COPS4: variants seen among roughly 807,000 people sequenced by gnomAD.
COPS4 encodes COP9 signalosome subunit 4.
In COPS4, 8 loss-of-function variants were observed where a neutral mutation model predicts 55.1. The ratio of observed to expected loss-of-function variants is 0.15; its 90% confidence interval spans 0.09 to 0.26. The LOEUF is 0.26. COPS4 is among the 10% of genes least tolerant of loss of function. COPS4 has a pLI of 1.00. For missense variants in COPS4, 248 were observed against 484.0 expected (o/e 0.51, Z 4.58); for synonymous variants, 185 against 165.7 (o/e 1.12, Z -0.90).
intron 4 of COPS4, among the ~76,000 whole-genome samples, chr4:83,050,945 A>G (rs897328578): frequency 4.6e-5 from 7 of 152,050 alleles, no homozygotes; most frequent in East Asian, 3.9e-4. Context: ...AAGCAGTGAT[A>G]GAAGTAGGGA....
At chr4:83,071,796 C>G (rs1352568523) in intron 9 of COPS4, among the ~76,000 whole-genome samples, 1 of 151,966 alleles carries the variant, frequency 6.6e-6, no homozygotes, top group East Asian at 1.9e-4. Flanking sequence ...ACTGCAACCT[C>G]CACCTCTTGG....
chr4:83,047,817 G>A (rs904132281), intron 2 of COPS4, among the ~76,000 whole-genome samples: 1 of 151,990 alleles, frequency 6.6e-6, no homozygotes, highest in African/African-American at 2.4e-5. Flanking sequence ...TGGCTAACAC[G>A]GTGAAACCCT....
At chr4:83,042,205 T>G (rs926613943) in intron 1 of COPS4, among the ~76,000 whole-genome samples, 1 of 152,174 alleles carries the variant, frequency 6.6e-6, no homozygotes, top group Non-Finnish European at 1.5e-5. Flanking sequence ...TTTTTATTTT[T>G]AATCTTCCCC....
chr4:83,050,142 G>A (rs1005767710), intron 4 of COPS4, among the ~76,000 whole-genome samples, 158 bp downstream of exon 4: 1 of 152,132 alleles, frequency 6.6e-6, no homozygotes, highest in African/African-American at 2.4e-5. Flanking sequence ...GAAAAGTAAT[G>A]GGGCAAAGCG....
chr4:83,043,343 C>T (rs763873584), intron 1 of COPS4, among the ~76,000 whole-genome samples: 1 of 150,984 alleles, frequency 6.6e-6, no homozygotes, highest in African/African-American at 2.4e-5. Flanking sequence ...GTAGTGAGAC[C>T]CCATCTCTAC....
rs775242498 is a variant in COPS4, at chr4:83,048,523, G to A, written c.155-643G>A. Among the ~76,000 whole-genome samples the A allele has an allele frequency of 9.8e-4, 149 of 152,082 alleles. 1 individual carries two copies. The highest frequency in any genetic ancestry group is 1.9e-3 in the Admixed American group (29 of 15,280). Reference sequence around the variant, plus strand: ...TAAATAAAAATATAGGTGTTTTTGTGCCTTCACTTTGTAGAAAAATGAGAT... The same window carrying A: ...TAAATAAAAATATAGGTGTTTTTGTACCTTCACTTTGTAGAAAAATGAGAT... On this transcript the variant is annotated intron_variant, in intron 2 of 9. Coordinates refer to ENST00000264389, the MANE Select transcript of COPS4 (RefSeq NM_016129.3).
chr4:83,037,944 CAGTT>C (rs943142979), intron 1 of COPS4, among the ~76,000 whole-genome samples: 2 of 152,204 alleles, frequency 1.3e-5, no homozygotes, highest in African/African-American at 2.4e-5. Flanking sequence ...GTTAAAAACT[CAGTT>C]AGAAATGCTT....
At position 83,075,563 on chromosome 4, in the gene COPS4, C is replaced by A. The variant is rs1297020572; in HGVS notation, c.*133C>A. 1.0e-6 allele frequency: 1 copy of A among 964,106 alleles called. No homozygotes were observed. Among genetic ancestry groups the A allele is most frequent in the Non-Finnish European group, 1.5e-6 (1 of 670,020 alleles). The allele number at this position is 964,106 out of a possible 1,614,324, so 59.7% of individuals were successfully genotyped here. A position where few individuals can be genotyped will look rare whatever the true frequency, so the allele number is the denominator to read the frequency against. ...TATGCTGGATTCCGTTTAAAGAAGA[C>A]ATTATTAGAGCAGGAAGTACAAGCA... is the stretch of plus-strand genomic sequence containing the variant. On this transcript the variant is annotated 3_prime_UTR_variant, in exon 10 of 10. Transcript: ENST00000264389.
At chr4:83,052,779 G>A (rs1379114435) in intron 4 of COPS4, among the ~76,000 whole-genome samples, 2 of 152,106 alleles carry the variant, frequency 1.3e-5, no homozygotes, top group Non-Finnish European at 2.9e-5. Context: ...TAGAAACGGG[G>A]TTTCACCATG....
chr4:83,042,160 T>C (rs913957374), intron 1 of COPS4, among the ~76,000 whole-genome samples: 4 of 152,074 alleles, frequency 2.6e-5, no homozygotes, highest in African/African-American at 9.7e-5. Flanking sequence ...CCACCGCACC[T>C]GACCATATTG....
chr4:83,062,219 A>C (rs1255025268), intron 6 of COPS4, among the ~76,000 whole-genome samples: 2 of 152,200 alleles, frequency 1.3e-5, no homozygotes, highest in Non-Finnish European at 2.9e-5. Flanking sequence ...ATCTTTTATA[A>C]ATTTTTATTA....
At chr4:83,046,100 TTACTG>T (rs1281059681) in intron 2 of COPS4, among the ~76,000 whole-genome samples, 6 of 151,988 alleles carry the variant, frequency 3.9e-5, no homozygotes, top group Non-Finnish European at 5.9e-5. Flanking sequence ...CTATAGTACA[TTACTG>T]TACTACAGGG....
intron 8 of COPS4, among the ~76,000 whole-genome samples, 155 bp from the exon 9 acceptor site, chr4:83,068,283 A>G (rs961300505): frequency 2.0e-5 from 3 of 152,228 alleles, no homozygotes; most frequent in African/African-American, 7.2e-5. Context: ...ATTGGGAAAT[A>G]GCCAGATTTA....
At chr4:83,050,254 G>C (rs1344108552) in intron 4 of COPS4, among the ~76,000 whole-genome samples, 1 of 152,122 alleles carries the variant, frequency 6.6e-6, no homozygotes, top group Non-Finnish European at 1.5e-5. Context: ...GTAGCTAAGA[G>C]TGATCTGAGG....
At chr4:83,044,849 C>G (rs767189070) in intron 1 of COPS4, among the ~76,000 whole-genome samples, 3 of 152,188 alleles carry the variant, frequency 2.0e-5, no homozygotes, top group Non-Finnish European at 2.9e-5. Context: ...AGAAATAAAA[C>G]ATTACTAATA....
At chr4:83,073,187 C>T (rs1015624639) in intron 9 of COPS4, 2 of 647,734 alleles carry the variant, frequency 3.1e-6, no homozygotes, top group Non-Finnish European at 5.7e-6. Context: ...AGTTACTCTC[C>T]ATTCCTTCCT....
Position 83,062,922 on chromosome 4 carries a change from G to A in COPS4, c.716-154G>A, listed in dbSNP as rs576962208. ...GCAGTTTAGTGTTTGATAATTCAGC[G>A]TCGGCAGTGACTGCAGACCATAATT... On this transcript the variant is annotated intron_variant, in intron 6 of 9. Transcript: ENST00000264389. 196 of 578,996 alleles carry A rather than the reference G, an allele frequency of 3.4e-4. No individual in the cohort carries two copies. In the Middle Eastern group the frequency reaches 4.3e-3, roughly 13 times the overall value. The allele number at this position is 578,996 out of a possible 1,614,324, so 35.9% of individuals were successfully genotyped here.
At chr4:83,059,623 T>C (rs1165697716) in intron 6 of COPS4, among the ~76,000 whole-genome samples, 3 of 152,134 alleles carry the variant, frequency 2.0e-5, no homozygotes, top group Non-Finnish European at 2.9e-5. Flanking sequence ...GGGAATGGAA[T>C]TGTTTTATGT....
intron 4 of COPS4, among the ~76,000 whole-genome samples, chr4:83,052,546 T>C (rs572560278): frequency 2.0e-5 from 3 of 152,302 alleles, no homozygotes; most frequent in African/African-American, 7.2e-5. Context: ...TGTAGACATA[T>C]TAGTGATATA....
Sources: allele counts gnomAD v4.1 joint callset (sites outside exome capture counted in the v4.1 genomes callset), GRCh38; gene constraint gnomAD v4.1.1; transcripts MANE v1.5; gene names NCBI Gene and HGNC (gene_info 2026-07-23, HGNC 2026-07-21).